The following FGF17 variants were observed in gnomAD, a reference collection of about 807,000 sequenced individuals.
FGF17 encodes fibroblast growth factor 17.
In FGF17, 5 loss-of-function variants were observed where a neutral mutation model predicts 23.5. That is an observed-to-expected ratio of 0.21 (90% CI 0.11 to 0.45). The LOEUF is 0.45. Ranked by LOEUF, FGF17 falls within the 20% of genes least tolerant of loss-of-function variation. The pLI, the probability that FGF17 is intolerant of heterozygous loss-of-function variation, is 0.99. For missense variants in FGF17, 221 were observed against 306.9 expected (o/e 0.72, Z 2.09); for synonymous variants, 136 against 123.0 (o/e 1.11, Z -0.70).
chr8:22,042,196 G>T (rs3176260), upstream of FGF17, among the ~76,000 whole-genome samples: 11,935 of 152,216 alleles, frequency 0.078, 717 homozygotes, highest in Non-Finnish European at 0.11. Flanking sequence ...TCTCCATTGG[G>T]ATTCTTCCTA....
At chr8:22,041,359 TGA>T (rs889958031), upstream of FGF17, among the ~76,000 whole-genome samples, 4 of 152,052 alleles carry the variant, frequency 2.6e-5, no homozygotes, top group African/African-American at 9.7e-5. Flanking sequence ...GACCCACAGG[TGA>T]GAGTTTCGCT....
At chr8:22,045,143 G>A (rs1054350099) in intron 2 of FGF17, 228 of 985,492 alleles carry the variant, frequency 2.3e-4, no homozygotes, top group African/African-American at 2.1e-3. Context: ...GATGGGTAAC[G>A]AGAGACCTAG....
At chr8:22,045,560 C>T (rs3176289) in intron 2 of FGF17, 3 of 996,884 alleles carry the variant, frequency 3.0e-6, no homozygotes, top group African/African-American at 1.7e-5. Context: ...CCTGCAGGAG[C>T]TTTCAGAGTC....
Position 22,043,809 on chromosome 8 carries a change from G to A in FGF17, c.72+628G>A, listed in dbSNP as rs979220910. ...CCCCAAGTCTCAGCCCCCAGTGCGA[G>A]GCTTGCTCCCTTTTTTGTGATCCTC... is the stretch of plus-strand genomic sequence containing the variant. On this transcript the variant is annotated intron_variant, in intron 2 of 4. Coordinates refer to ENST00000359441, the MANE Select transcript of FGF17 (RefSeq NM_003867.4). Among the ~76,000 whole-genome samples the A allele has an allele frequency of 6.8e-5, 10 of 147,898 alleles. No individual in the cohort carries two copies. The East Asian group carries it at 2.1e-3, about 30-fold the overall frequency.
At chr8:22,043,695 G>A (rs780267180) in intron 2 of FGF17, among the ~76,000 whole-genome samples, 21 of 152,108 alleles carry the variant, frequency 1.4e-4, no homozygotes, top group Non-Finnish European at 2.8e-4. Flanking sequence ...GCCCAAAGAG[G>A]TTTGTTTGGG....
chr8:22,041,904 G>T (rs1800745432), upstream of FGF17, among the ~76,000 whole-genome samples: 1 of 152,196 alleles, frequency 6.6e-6, no homozygotes, highest in Non-Finnish European at 1.5e-5. Context: ...GCTGCTCAGG[G>T]ACATGGGACA....
At position 22,044,843 on chromosome 8, in the gene FGF17, AC is replaced by A; in HGVS notation, c.73-1266del. 5.1e-6 allele frequency: 5 copies of A among 985,106 alleles called. No homozygotes were observed. The South Asian group carries it at 1.4e-4, about 28-fold the overall frequency. 61.0% of individuals were successfully genotyped at this position (985,106 alleles called of 1,614,324 possible). A position where few individuals can be genotyped will look rare whatever the true frequency, so the allele number is the denominator to read the frequency against. ...CCCTGCCTCAAAGGTGATATTTCCCACCCCCTCCCTAGGAGAGAGTAGCCCC... is the reference window on the plus strand; with the variant it reads ...CCCTGCCTCAAAGGTGATATTTCCCACCCCTCCCTAGGAGAGAGTAGCCCC... On this transcript the variant is annotated intron_variant, in intron 2 of 4. Coordinates refer to ENST00000359441, the MANE Select transcript of FGF17 (RefSeq NM_003867.4).
rs1459599944 is a variant in FGF17, at chr8:22,043,169, C to G, written c.60C>G (p.Cys20Trp). 1 of 1,613,694 alleles carries G rather than the reference C, an allele frequency of 6.2e-7. No homozygotes were observed. Among genetic ancestry groups the G allele is most frequent in the Non-Finnish European group, 8.5e-7 (1 of 1,180,018 alleles). The change falls in exon 2 of 5, where the codon TGC (cysteine) becomes TGG (tryptophan). Residue 20 changes from cysteine to tryptophan, a missense_variant. Cys to Trp is a radical substitution (Grantham distance 215). Coordinates refer to ENST00000359441, the MANE Select transcript of FGF17 (RefSeq NM_003867.4). ...GGTGCTTACAGCTGCTGATTCTCTG[C>G]TGTCAAACTCAGGTAGGCGGGCATT... is the stretch of plus-strand genomic sequence containing the variant. ...LTLCLQLLIL[C>W]CQTQGENHPS...
In FGF17 at chr8:22,046,677, G is replaced by A. The variant is rs1203615636; in HGVS notation, c.357+44G>A. 4 of 1,386,390 alleles carry A rather than the reference G, an allele frequency of 2.9e-6. No individual in the cohort carries two copies. The Admixed American group carries it at 6.7e-5, about 23-fold the overall frequency. 85.9% of individuals were successfully genotyped at this position (1,386,390 alleles called of 1,614,324 possible). A position where few individuals can be genotyped will look rare whatever the true frequency, so the allele number is the denominator to read the frequency against. On this transcript the variant is annotated intron_variant, in intron 4 of 4. Coordinates refer to ENST00000359441, the MANE Select transcript of FGF17 (RefSeq NM_003867.4). ...GAAGTAACAGAGAATCAGCCCTACTGGGGTGGGGACATATAGGGCATCATG... is the reference window on the plus strand; with the variant it reads ...GAAGTAACAGAGAATCAGCCCTACTAGGGTGGGGACATATAGGGCATCATG...
chr8:22,042,300 C>T (rs1035168731), upstream of FGF17: 3 of 157,650 alleles, frequency 1.9e-5, no homozygotes, highest in Non-Finnish European at 4.2e-5. Flanking sequence ...CCCTCCTTCC[C>T]GGGCAATCAG....
intron 2 of FGF17, chr8:22,045,801 A>C: frequency 7.8e-7 from 1 of 1,283,834 alleles, no homozygotes; most frequent in Non-Finnish European, 1.0e-6. Context: ...CCTTCATAGA[A>C]TACGAGGACG....
intron 4 of FGF17, among the ~76,000 whole-genome samples, chr8:22,047,067 G>A (rs149003736): frequency 2.0e-5 from 3 of 150,056 alleles, no homozygotes; most frequent in East Asian, 2.0e-4. Flanking sequence ...GATTACAGGC[G>A]TGAGCCACGG....
At chr8:22,042,381 T>C (rs993234050), upstream of FGF17, 1 of 160,508 alleles carries the variant, frequency 6.2e-6, no homozygotes, top group African/African-American at 2.4e-5. Context: ...TCTGGGAATT[T>C]CCACTCCAGA....
At chr8:22,044,400 T>A (rs1459536439) in intron 2 of FGF17, among the ~76,000 whole-genome samples, 1 of 149,164 alleles carries the variant, frequency 6.7e-6, no homozygotes, top group Non-Finnish European at 1.5e-5. Flanking sequence ...ACAGGCTAGG[T>A]CCCGCGGGGA....
chr8:22,043,101 GC>G, intron 1 of FGF17, 43 bp from the exon 2 acceptor site: 1 of 1,610,224 alleles, frequency 6.2e-7, no homozygotes, highest in Non-Finnish European at 8.5e-7. Flanking sequence ...CCCTAGGCTT[GC>G]AGCTGGCACC....
chr8:22,043,349 G>A (rs1402712742), intron 2 of FGF17, among the ~76,000 whole-genome samples, 168 bp downstream of exon 2: 1 of 152,160 alleles, frequency 6.6e-6, no homozygotes, highest in Non-Finnish European at 1.5e-5. Context: ...CGGGTGGGCA[G>A]GGAAGGGGGC....
upstream of FGF17, among the ~76,000 whole-genome samples, chr8:22,040,447 C>G (rs1412484388): frequency 1.3e-5 from 2 of 152,226 alleles, no homozygotes; most frequent in Non-Finnish European, 2.9e-5. Flanking sequence ...GAAGGCCAGG[C>G]CTGCAGGTGC....
At chr8:22,043,402 C>A (rs1377404679) in intron 2 of FGF17, among the ~76,000 whole-genome samples, 1 of 152,202 alleles carries the variant, frequency 6.6e-6, no homozygotes, top group Non-Finnish European at 1.5e-5. Context: ...GGACCCTCCC[C>A]ACTTCCCCTG....
chr8:22,043,874 G>A lies in FGF17; in HGVS notation c.72+693G>A, dbSNP rs548924300. 5.3e-5 allele frequency among the ~76,000 whole-genome samples: 8 copies of A among 152,118 alleles called. No individual in the cohort carries two copies. The South Asian group carries it at 6.2e-4, about 12-fold the overall frequency. On this transcript the variant is annotated intron_variant, in intron 2 of 4. Coordinates refer to ENST00000359441, the MANE Select transcript of FGF17 (RefSeq NM_003867.4). ...TATTAAAATGCACTGGTCCAGAACC[G>A]CTCTGGGGAGAGATCGCTTGGCTTT...
Sources: allele counts gnomAD v4.1 joint callset (sites outside exome capture counted in the v4.1 genomes callset), GRCh38; gene constraint gnomAD v4.1.1; transcripts MANE v1.5; gene names NCBI Gene and HGNC (gene_info 2026-07-23, HGNC 2026-07-21).